Variants in BTNL8 observed in about 807,000 individuals in gnomAD.
BTNL8 encodes the protein butyrophilin like 8.
BTNL8 carries 22 observed loss-of-function variants against 36.1 expected under a neutral mutation model. The ratio of observed to expected loss-of-function variants is 0.61; its 90% CI spans 0.44 to 0.87. The LOEUF (loss-of-function observed/expected upper bound fraction) is 0.87. BTNL8 is among the 40% of genes least tolerant of loss of function. The pLI is 0.00. For missense variants in BTNL8, 526 were observed against 616.9 expected (o/e 0.85, Z 1.56); for synonymous variants, 203 against 235.6 (o/e 0.86, Z 1.27).
At chr5:180,908,419 C>G (rs1228675867) in intron 1 of BTNL8, among the ~76,000 whole-genome samples, 167 bp from the exon 2 acceptor site, 2 of 152,226 alleles carry the variant, frequency 1.3e-5, no homozygotes, top group Non-Finnish European at 2.9e-5. Context: ...CTGGCACTCC[C>G]TAGTGAGATG....
chr5:180,917,618 T>A (rs1345881433), intron 3 of BTNL8, among the ~76,000 whole-genome samples: 7 of 144,280 alleles, frequency 4.9e-5, no homozygotes, highest in Admixed American at 4.1e-4. Flanking sequence ...TTAAAAAAAA[T>A]ACCAGACCAG....
chr5:180,902,165 C>T (rs763658781), intron 1 of BTNL8, among the ~76,000 whole-genome samples: 1 of 146,716 alleles, frequency 6.8e-6, no homozygotes. Flanking sequence ...TCAGCAAGGA[C>T]GATGGAAATG....
At chr5:180,926,464 C>T (rs968527585) in intron 3 of BTNL8, among the ~76,000 whole-genome samples, 18 of 152,078 alleles carry the variant, frequency 1.2e-4, no homozygotes, top group African/African-American at 3.1e-4. Context: ...GGAATGGCAG[C>T]GAGACAGAAC....
intron 3 of BTNL8, among the ~76,000 whole-genome samples, chr5:180,946,664 C>T (rs1412200998): frequency 6.6e-6 from 1 of 152,042 alleles, no homozygotes; most frequent in Non-Finnish European, 1.5e-5. Flanking sequence ...TTGAGATAGA[C>T]AAGAGGAATA....
chr5:180,907,909 C>G (rs920221047), intron 1 of BTNL8, among the ~76,000 whole-genome samples: 6 of 151,718 alleles, frequency 4.0e-5, no homozygotes, highest in Non-Finnish European at 7.4e-5. Context: ...GGGAGAACCA[C>G]TGCTCTCTTC....
At chr5:180,928,101 A>G (rs555955035) in intron 3 of BTNL8, among the ~76,000 whole-genome samples, 1 of 152,330 alleles carries the variant, frequency 6.6e-6, no homozygotes, top group African/African-American at 2.4e-5. Flanking sequence ...TGGGTTACCC[A>G]CAAAGGGAAG....
intron 3 of BTNL8, among the ~76,000 whole-genome samples, chr5:180,938,544 CT>C (rs527307483): frequency 0.18 from 24,924 of 136,980 alleles, 3,533 homozygotes; most frequent in African/African-American, 0.44. Flanking sequence ...TCCTTTCTTT[CT>C]TTTTTTTTTT....
At chr5:180,932,629 G>A (rs909316736) in intron 3 of BTNL8, among the ~76,000 whole-genome samples, 11 of 152,130 alleles carry the variant, frequency 7.2e-5, no homozygotes, top group South Asian at 4.1e-4. Context: ...GATTACAGGC[G>A]TGAGCCACTG....
chr5:180,924,598 A>G (rs1036615452), intron 3 of BTNL8, among the ~76,000 whole-genome samples: 1 of 152,166 alleles, frequency 6.6e-6, no homozygotes, highest in Admixed American at 6.5e-5. Flanking sequence ...CAACACCCAC[A>G]TCTGCCTGTC....
intron 3 of BTNL8, among the ~76,000 whole-genome samples, chr5:180,931,491 G>A (rs1758380136): frequency 6.6e-6 from 1 of 152,064 alleles, no homozygotes; most frequent in South Asian, 2.1e-4. Context: ...CTTCTGCACA[G>A]CAAAAGAAAC....
intron 3 of BTNL8, among the ~76,000 whole-genome samples, chr5:180,914,825 CA>C (rs1476558065): frequency 1.3e-5 from 2 of 152,054 alleles, no homozygotes; most frequent in Non-Finnish European, 2.9e-5. Context: ...GTTGGTCAGG[CA>C]AAAAAGCCAA....
chr5:180,934,049 T>C (rs182770910), intron 3 of BTNL8, among the ~76,000 whole-genome samples: 1 of 151,870 alleles, frequency 6.6e-6, no homozygotes, highest in East Asian at 1.9e-4. Flanking sequence ...CCCCACCAAA[T>C]ACTAGTAAAC....
chr5:180,902,561 C>CATGT, intron 1 of BTNL8, among the ~76,000 whole-genome samples: 1 of 151,364 alleles, frequency 6.6e-6, no homozygotes, highest in South Asian at 2.1e-4. Flanking sequence ...TTTTAGGGTA[C>CATGT]ATGTGCACAT....
At chr5:180,945,645 G>C (rs1759197384) in intron 3 of BTNL8, 1 of 252,000 alleles carries the variant, frequency 4.0e-6, no homozygotes, top group Admixed American at 3.8e-5. Context: ...CTTAAAAAAG[G>C]GGAAAGGACC....
At chr5:180,916,527 T>A (rs1757634900) in intron 3 of BTNL8, among the ~76,000 whole-genome samples, 1 of 152,002 alleles carries the variant, frequency 6.6e-6, no homozygotes, top group Admixed American at 6.5e-5. Context: ...TCAATAAAAC[T>A]AAATGTTGTT....
intron 2 of BTNL8, chr5:180,910,008 C>G (rs970334168): frequency 1.3e-5 from 2 of 152,176 alleles, no homozygotes; most frequent in Non-Finnish European, 2.9e-5. Flanking sequence ...AGGCCTCCTC[C>G]TCATAGCAGA....
At chr5:180,937,872 G>A (rs1195499064) in intron 3 of BTNL8, among the ~76,000 whole-genome samples, 1 of 151,042 alleles carries the variant, frequency 6.6e-6, no homozygotes, top group South Asian at 2.1e-4. Flanking sequence ...TAGAAATGGA[G>A]AATTTAACAA....
intron 2 of BTNL8, among the ~76,000 whole-genome samples, chr5:180,910,480 A>G (rs2113781110): frequency 6.6e-6 from 1 of 152,302 alleles, no homozygotes; most frequent in South Asian, 2.1e-4. Context: ...CCAGCTGACA[A>G]AAGAATATAA....
intron 3 of BTNL8, among the ~76,000 whole-genome samples, chr5:180,913,898 G>C (rs563955857): frequency 6.6e-6 from 1 of 152,158 alleles, no homozygotes; most frequent in East Asian, 1.9e-4. Flanking sequence ...AATGTGACTT[G>C]AATCAGTAAG....
Sources: gnomAD v4.1 joint callset for allele counts (sites outside exome capture counted in the v4.1 genomes callset) on GRCh38, gnomAD v4.1.1 for gene constraint, MANE v1.5 for transcripts, NCBI Gene and HGNC (gene_info 2026-07-23, HGNC 2026-07-21) for gene names.